The following SZT2 variants were observed in gnomAD, a reference collection of about 807,000 sequenced individuals.
SZT2 encodes KICSTOR complex protein SZT2.
A neutral mutation model predicts 404.2 loss-of-function variants in SZT2; 216 were observed. The observed-to-expected ratio is 0.53, with a 90% CI of 0.48 to 0.60. SZT2 has a LOEUF of 0.60. SZT2 is among the 20% of genes least tolerant of loss of function. The probability of loss-of-function intolerance (pLI) is 0.00; values close to 1 mark genes in which losing one functional copy is unlikely to be tolerated. For synonymous variants in SZT2, 1,693 were observed against 1,749.9 expected, an observed-to-expected ratio of 0.97 and a Z score of 0.81; for missense variants, 3,857 against 4,459.2, an observed-to-expected ratio of 0.86 and a Z score of 3.85.
At chr1:43,423,024 A>C in intron 14 of SZT2, 75 bp from the exon 15 acceptor site, 1 of 1,516,816 alleles carries the variant, frequency 6.6e-7, no homozygotes, top group Non-Finnish European at 8.9e-7. Flanking sequence ...GCTGTGTCTC[A>C]CTTTGTCTGT....
rs1656532903 is a variant in SZT2 at position 43,452,347 on chromosome 1, G to A, written c.*1867G>A. The A allele has an allele frequency of 6.4e-7, 1 of 1,554,562 alleles. No homozygotes were observed. Among genetic ancestry groups the A allele is most frequent in the Non-Finnish European group, 8.9e-7 (1 of 1,128,840 alleles). Reference sequence around the variant, plus strand: ...GTGGGGAAGATGGACTGGAGGCCTTGCCTCCCTTGGCTCTCTCTGCACCTC... The same window carrying A: ...GTGGGGAAGATGGACTGGAGGCCTTACCTCCCTTGGCTCTCTCTGCACCTC... On this transcript the variant is annotated 3_prime_UTR_variant, in exon 72 of 72. Coordinates refer to ENST00000634258, the MANE Select transcript of SZT2 (RefSeq NM_001365999.1).
rs1310394874 is a variant in SZT2, at chr1:43,437,479, G to A, written c.6261G>A (p.Glu2087=). The change falls in exon 44 of 72, where the codon GAG becomes GAA. Residue 2087 remains glutamate, a synonymous_variant. Transcript: ENST00000634258. The surrounding 1 kb of genome is among the most constrained non-coding windows in gnomAD (Gnocchi z 5.3). Reference sequence around the variant, plus strand: ...GGAAAAACATGTTTGTTTACCAGGAGCGAGCAACAAAGGCTGTGTACTATC... The same window carrying A: ...GGAAAAACATGTTTGTTTACCAGGAACGAGCAACAAAGGCTGTGTACTATC... ...VNRKNMFVYQ[E]RATKAVYYLR... 1.2e-6 allele frequency: 2 copies of A among 1,614,204 alleles called. No homozygotes were observed. Among genetic ancestry groups the A allele is most frequent in the Admixed American group, 1.7e-5 (1 of 60,032 alleles).
chr1:43,419,984 A>G, intron 8 of SZT2, 40 bp downstream of exon 8: 2 of 1,595,252 alleles, frequency 1.3e-6, no homozygotes, highest in Middle Eastern at 1.7e-4. Context: ...AGGAGGGAAT[A>G]TAGAATGGGC....
At chr1:43,404,850 C>T in intron 4 of SZT2, 1 of 268,974 alleles carries the variant, frequency 3.7e-6, no homozygotes. Context: ...CTCCATTCCC[C>T]TCTTCTCCTT....
chr1:43,405,904 C>T (rs1650249782), intron 4 of SZT2: 1 of 152,504 alleles, frequency 6.6e-6, no homozygotes, highest in Middle Eastern at 3.4e-3. Flanking sequence ...TGAATCAGAC[C>T]TTGTCTTTCT....
intron 65 of SZT2, 57 bp from the exon 66 acceptor site, chr1:43,446,898 T>G: frequency 6.4e-7 from 1 of 1,551,568 alleles, no homozygotes; most frequent in Non-Finnish European, 8.8e-7. Context: ...GGGAAATGTG[T>G]TTTGGGCAGC....
chr1:43,391,059 G>C (rs961989974), intron 1 of SZT2, among the ~76,000 whole-genome samples: 2 of 152,192 alleles, frequency 1.3e-5, no homozygotes, highest in African/African-American at 4.8e-5. Flanking sequence ...GCTTACACCT[G>C]TAATCCCAAC....
In SZT2 at chr1:43,422,861, C is replaced by T; in HGVS notation, c.2015C>T (p.Thr672Ile). ...MVLRLGFPIG[T>I]PAPARHKIVS... is the part of the protein sequence containing the mutation. ...CTTCGCCTGGGTTTTCCCATTGGCA[C>T]ACCAGCACCGGCCCGGCACAAGGTA... The change falls in exon 14 of 72, where the codon ACA becomes ATA. Residue 672 changes from threonine to isoleucine, a missense_variant. Transcript: ENST00000634258. The T allele has an allele frequency of 6.3e-7, 1 of 1,589,828 alleles. No homozygotes were observed. Among genetic ancestry groups the T allele is most frequent in the Non-Finnish European group, 8.5e-7 (1 of 1,175,862 alleles).
chr1:43,422,304 A>C lies in SZT2; in HGVS notation c.1769+79A>C. The C allele has an allele frequency of 1.6e-5, 24 of 1,509,376 alleles. No homozygotes were observed. The South Asian group carries it at 3.0e-4, about 19-fold the overall frequency. 93.5% of individuals were successfully genotyped at this position (1,509,376 alleles called of 1,614,324 possible). ...GATAGGGAATGATGGGAAGGGGAGC[A>C]GCAGATGAGCTCTTACCAACTGTGG... On this transcript the variant is annotated intron_variant, in intron 12 of 71. Coordinates refer to ENST00000634258, the MANE Select transcript of SZT2 (RefSeq NM_001365999.1).
chr1:43,452,479 CAGTGATGGCTGAGGG>C lies in SZT2; in HGVS notation c.*2000_*2014del, dbSNP rs1178641576. 2 of 710,414 alleles carry C rather than the reference CAGTGATGGCTGAGGG, an allele frequency of 2.8e-6. No individual in the cohort carries two copies. Among genetic ancestry groups the C allele is most frequent in the Admixed American group, 2.0e-5 (1 of 49,774 alleles). 44.0% of individuals were successfully genotyped at this position (710,414 alleles called of 1,614,324 possible). On this transcript the variant is annotated 3_prime_UTR_variant, in exon 72 of 72. Coordinates refer to ENST00000634258, the MANE Select transcript of SZT2 (RefSeq NM_001365999.1). ...TATCCCAGCACTTTCAGAGACACTT[CAGTGATGGCTGAGGG>C]GCAAGCCCTTTCCCAGACATCTCAG...
chr1:43,415,049 G>T, intron 4 of SZT2, 33 bp from the exon 5 acceptor site: 1 of 1,592,808 alleles, frequency 6.3e-7, no homozygotes, highest in South Asian at 1.1e-5. Flanking sequence ...CACCCTGACC[G>T]TCCTGTCTCA....
At chr1:43,436,110 T>G (rs1466269180) in intron 42 of SZT2, 1 of 152,216 alleles carries the variant, frequency 6.6e-6, no homozygotes, top group African/African-American at 2.4e-5. Context: ...TCCCTTCTCT[T>G]ACTCCTGATG....
At chr1:43,396,046 ATG>A (rs1160611606) in intron 1 of SZT2, among the ~76,000 whole-genome samples, 2 of 152,194 alleles carry the variant, frequency 1.3e-5, no homozygotes, top group African/African-American at 4.8e-5. Flanking sequence ...AAAATGGGAG[ATG>A]TGTTTGGACA....
intron 7 of SZT2, among the ~76,000 whole-genome samples, chr1:43,419,421 C>T (rs917200015): frequency 3.9e-5 from 6 of 152,194 alleles, no homozygotes; most frequent in African/African-American, 1.4e-4. Context: ...TGTTGGTAAG[C>T]TGAAGTCTCT....
At chr1:43,433,233 C>G (rs1654113699) in intron 40 of SZT2, 43 bp downstream of exon 40, 1 of 1,591,478 alleles carries the variant, frequency 6.3e-7, no homozygotes, top group Non-Finnish European at 8.6e-7. Context: ...TCCCATTAAC[C>G]TCTTCTCTCT....
rs1402818178 is a variant in SZT2 at position 43,453,554 on chromosome 1, G to C, written c.*3074G>C. The C allele has an allele frequency of 2.4e-5, 36 of 1,517,934 alleles. No homozygotes were observed. Among genetic ancestry groups the C allele is most frequent in the Non-Finnish European group, 3.2e-5 (36 of 1,128,400 alleles). 94.0% of individuals were successfully genotyped at this position (1,517,934 alleles called of 1,614,324 possible). A position where few individuals can be genotyped will look rare whatever the true frequency, so the allele number is the denominator to read the frequency against. ...CGGACACTCCCCTGCCCGCGCCCCGGCACCCCCCAGCCCTCCCAGCCCTCC... is the reference window on the plus strand; with the variant it reads ...CGGACACTCCCCTGCCCGCGCCCCGCCACCCCCCAGCCCTCCCAGCCCTCC... On this transcript the variant is annotated 3_prime_UTR_variant, in exon 72 of 72. Transcript: ENST00000634258.
At chr1:43,446,874 T>G in intron 65 of SZT2, 81 bp from the exon 66 acceptor site, 1 of 1,443,218 alleles carries the variant, frequency 6.9e-7, no homozygotes, top group Non-Finnish European at 9.5e-7. Flanking sequence ...CTTGTGCTTC[T>G]TCCCACGGAA....
At position 43,431,792 on chromosome 1, in the gene SZT2, G is replaced by A. The variant is rs562214305; in HGVS notation, c.5165G>A (p.Arg1722His). Residue 1722 changes from arginine (R) to histidine (H), a missense_variant, in exon 36 of 72, where the codon CGC becomes CAC. Coordinates refer to ENST00000634258, the MANE Select transcript of SZT2 (RefSeq NM_001365999.1). ...GGIPQSPALH[R>H]AAAHIHSSPG... is the part of the protein sequence containing the mutation. ...ATCCCACAGAGTCCTGCCCTGCACC[G>A]CGCAGCTGCCCATATCCATAGTTCT... is the stretch of plus-strand genomic sequence containing the variant. 49 of 1,614,210 alleles carry A rather than the reference G, an allele frequency of 3.0e-5. No individual in the cohort carries two copies. The highest frequency in any genetic ancestry group is 2.9e-4 in the South Asian group (26 of 91,088).
intron 1 of SZT2, among the ~76,000 whole-genome samples, chr1:43,397,789 A>C (rs839759): frequency 6.6e-6 from 1 of 151,984 alleles, no homozygotes; most frequent in Non-Finnish European, 1.5e-5. Flanking sequence ...CCGGCCTCCC[A>C]AAGTGCTGGG....
Sources: gnomAD v4.1 joint callset for allele counts (sites outside exome capture counted in the v4.1 genomes callset) on GRCh38, gnomAD v4.1.1 for gene constraint, Gnocchi (gnomAD v3.1) non-coding constraint, MANE v1.5 for transcripts, NCBI Gene and HGNC (gene_info 2026-07-23, HGNC 2026-07-21) for gene names.